The following PRR16 variants were observed in gnomAD, a reference collection of about 807,000 sequenced individuals.
PRR16 encodes proline rich 16, also known as protein Largen.
Under a neutral mutation model 18.2 loss-of-function variants are expected in PRR16, and 6 were observed. The observed-to-expected ratio is 0.33, with a 90% CI of 0.18 to 0.65. The LOEUF is 0.65. PRR16 is among the 30% of genes least tolerant of loss of function. The probability of loss-of-function intolerance (pLI) is 0.74; values close to 1 mark genes in which losing one functional copy is unlikely to be tolerated. For missense variants in PRR16, 412 were observed against 376.6 expected (o/e 1.09, Z -0.78); for synonymous variants, 151 against 147.8 (o/e 1.02, Z -0.16).
At chr5:120,737,318 T>C in the PRR16 span, among the ~76,000 whole-genome samples, 1 of 113,872 alleles carries the variant, frequency 8.8e-6, no homozygotes, top group Non-Finnish European at 1.8e-5. Context: ...TTTTTTTTTT[T>C]TTTTTTTTTT....
chr5:120,639,552 T>C (rs753718946), intron 1 of PRR16, among the ~76,000 whole-genome samples: 1 of 151,962 alleles, frequency 6.6e-6, no homozygotes, highest in Admixed American at 6.6e-5. Flanking sequence ...ATTGAAAGCT[T>C]TTTCTGCATC....
intron 1 of PRR16, among the ~76,000 whole-genome samples, chr5:120,566,769 T>C (rs576129868): frequency 6.6e-6 from 1 of 152,242 alleles, no homozygotes; most frequent in South Asian, 2.1e-4. Context: ...TGTCACTCTT[T>C]CAATGACTGT....
At chr5:120,715,388 C>T in the PRR16 span, among the ~76,000 whole-genome samples, 1 of 152,142 alleles carries the variant, frequency 6.6e-6, no homozygotes, top group Non-Finnish European at 1.5e-5. Flanking sequence ...TCAATGAAAA[C>T]TATATAAACA....
chr5:120,510,838 C>T (rs1477466690), intron 1 of PRR16, among the ~76,000 whole-genome samples: 1 of 152,158 alleles, frequency 6.6e-6, no homozygotes, highest in Non-Finnish European at 1.5e-5. Flanking sequence ...AAATTAGAGG[C>T]TCAGATTATG....
chr5:120,781,169 A>G, the PRR16 span: 1 of 152,160 alleles, frequency 6.6e-6, no homozygotes, highest in Non-Finnish European at 1.5e-5. Flanking sequence ...GATATTCTAC[A>G]TGGGCATATC....
At chr5:120,690,203 A>G (rs572008804), downstream of PRR16, among the ~76,000 whole-genome samples, 9 of 152,308 alleles carry the variant, frequency 5.9e-5, no homozygotes, top group South Asian at 1.9e-3. Context: ...AGCTACTCAC[A>G]GTCTCTGAAA....
chr5:120,533,938 C>T lies in PRR16; in HGVS notation c.159+69293C>T, dbSNP rs913276682. The stretch of plus-strand genomic sequence containing the variant: ...GATATGTGTTGAAAGTATAACAAGG[C>T]TTCCTGAGAGATTGGAGTTCAAGGT... On this transcript the variant is annotated intron_variant, in intron 1 of 1. Transcript: ENST00000407149. 5.9e-5 allele frequency among the ~76,000 whole-genome samples: 9 copies of T among 152,096 alleles called. No individual in the cohort carries two copies. In the South Asian group the frequency reaches 1.9e-3, roughly 32 times the overall value.
At chr5:120,689,848 C>G (rs916020978), downstream of PRR16, among the ~76,000 whole-genome samples, 1 of 151,120 alleles carries the variant, frequency 6.6e-6, no homozygotes, top group African/African-American at 2.4e-5. Flanking sequence ...TAAAAATTGC[C>G]CAAAGTTATC....
chr5:120,713,603 A>G, the PRR16 span, among the ~76,000 whole-genome samples: 1 of 152,284 alleles, frequency 6.6e-6, no homozygotes, highest in South Asian at 2.1e-4. Flanking sequence ...TATTGTGGAC[A>G]AAGAATCTGA....
chr5:120,605,094 G>A (rs1238455545), intron 1 of PRR16, among the ~76,000 whole-genome samples: 4 of 152,216 alleles, frequency 2.6e-5, no homozygotes, highest in Admixed American at 2.0e-4. Flanking sequence ...TGTCTAGCAA[G>A]GTTAGGGAAA....
At chr5:120,720,912 A>G in the PRR16 span, among the ~76,000 whole-genome samples, 1 of 152,086 alleles carries the variant, frequency 6.6e-6, no homozygotes, top group Non-Finnish European at 1.5e-5. Flanking sequence ...TCAGTATGAA[A>G]AAGGATTCTC....
At chr5:120,700,172 A>G in the PRR16 span, among the ~76,000 whole-genome samples, 1 of 152,190 alleles carries the variant, frequency 6.6e-6, no homozygotes, top group Admixed American at 6.5e-5. Flanking sequence ...AATTTGGTTG[A>G]TAAGGCGCAG....
chr5:120,689,055 A>C (rs1757180082), downstream of PRR16, among the ~76,000 whole-genome samples: 1 of 152,158 alleles, frequency 6.6e-6, no homozygotes, highest in Non-Finnish European at 1.5e-5. Flanking sequence ...ATGTGAGTTA[A>C]ATACCATCCC....
the PRR16 span, among the ~76,000 whole-genome samples, chr5:120,699,649 A>G: frequency 1.1e-3 from 162 of 152,300 alleles, no homozygotes; most frequent in South Asian, 2.9e-3. Context: ...GAGGGCCTCT[A>G]TAAGTATTAA....
the PRR16 span, among the ~76,000 whole-genome samples, chr5:120,701,742 G>T: frequency 6.6e-6 from 1 of 152,150 alleles, no homozygotes; most frequent in Non-Finnish European, 1.5e-5. Context: ...GGATAGACAG[G>T]AGGGAAAGAA....
chr5:120,711,391 A>C, the PRR16 span, among the ~76,000 whole-genome samples: 1 of 152,114 alleles, frequency 6.6e-6, no homozygotes, highest in African/African-American at 2.4e-5. Flanking sequence ...TTTTCTGGTG[A>C]TTAACTATTG....
intron 1 of PRR16, among the ~76,000 whole-genome samples, chr5:120,661,345 C>T (rs1756166723): frequency 6.6e-6 from 1 of 151,970 alleles, no homozygotes; most frequent in East Asian, 1.9e-4. Flanking sequence ...GACTTTTCTC[C>T]CTTGTGCTTG....
chr5:120,728,245 C>T, the PRR16 span, among the ~76,000 whole-genome samples: 1 of 151,478 alleles, frequency 6.6e-6, no homozygotes, highest in South Asian at 2.1e-4. Context: ...TCAAAAAAAT[C>T]CCAAATAATT....
chr5:120,640,827 TA>T (rs1206131900), intron 1 of PRR16, among the ~76,000 whole-genome samples: 6 of 152,186 alleles, frequency 3.9e-5, no homozygotes, highest in Non-Finnish European at 7.4e-5. Context: ...ACAGAGCTAC[TA>T]TTAGGCATTA....
Sources: gnomAD v4.1 joint callset for allele counts (sites outside exome capture counted in the v4.1 genomes callset) on GRCh38, gnomAD v4.1.1 for gene constraint, MANE v1.5 for transcripts, NCBI Gene and HGNC (gene_info 2026-07-23, HGNC 2026-07-21) for gene names.